SMAD4: variants seen among roughly 807,000 people sequenced by gnomAD.
SMAD4 encodes MAD homolog 4.
In SMAD4, 7 loss-of-function variants were observed where a neutral mutation model predicts 63.2. The observed-to-expected ratio is 0.11, with a 90% CI of 0.06 to 0.21. The LOEUF (loss-of-function observed/expected upper bound fraction) is 0.21, where lower values mean the gene tolerates loss of function less well. Ranked by LOEUF, SMAD4 falls within the 10% of genes least tolerant of loss-of-function variation. SMAD4 has a pLI of 1.00. For synonymous variants in SMAD4, 215 were observed against 235.4 expected, an observed-to-expected ratio of 0.91 and a Z score of 0.79; for missense variants, 312 against 693.8, an observed-to-expected ratio of 0.45 and a Z score of 6.18.
intron 4 of SMAD4, chr18:51,054,311 ATATC>A (rs1390789053): frequency 1.2e-5 from 2 of 171,580 alleles, no homozygotes; most frequent in South Asian, 1.3e-4. Context: ...CTGGGATTGG[ATATC>A]TATCAGATCC....
At chr18:51,047,698 T>C (rs868299981) in intron 2 of SMAD4, among the ~76,000 whole-genome samples, 11 of 151,438 alleles carry the variant, frequency 7.3e-5, no homozygotes, top group African/African-American at 2.7e-4. Context: ...AACCTCCACC[T>C]CTTGGGTTCA....
intron 1 of SMAD4, among the ~76,000 whole-genome samples, chr18:51,041,363 G>A (rs1163793826): frequency 6.6e-6 from 1 of 152,162 alleles, no homozygotes; most frequent in African/African-American, 2.4e-5. Flanking sequence ...CCTGGCACAT[G>A]GTAGTATTGT....
intron 1 of SMAD4, among the ~76,000 whole-genome samples, chr18:51,040,222 C>A (rs140350940): frequency 2.6e-5 from 4 of 151,994 alleles, no homozygotes; most frequent in Non-Finnish European, 5.9e-5. Context: ...GTCAGGAGAT[C>A]GAGACCATCC....
intron 1 of SMAD4, among the ~76,000 whole-genome samples, chr18:51,035,190 G>C (rs1241200853): frequency 1.3e-5 from 2 of 151,910 alleles, no homozygotes; most frequent in Non-Finnish European, 2.9e-5. Context: ...TTTCTCCTCT[G>C]TTTCTTTCTT....
intron 4 of SMAD4, chr18:51,054,283 T>A (rs1463271385): frequency 1.2e-5 from 2 of 168,068 alleles, no homozygotes; most frequent in Non-Finnish European, 2.6e-5. Context: ...ATATGTTGCT[T>A]AACAATAATT....
intron 1 of SMAD4, among the ~76,000 whole-genome samples, chr18:51,039,842 CAAG>C (rs893988573): frequency 2.0e-5 from 3 of 152,008 alleles, no homozygotes; most frequent in Non-Finnish European, 4.4e-5. Context: ...CATAGGTAAA[CAAG>C]AAGCATACAT....
chr18:51,074,693 G>C (rs897616872), intron 10 of SMAD4, among the ~76,000 whole-genome samples: 5 of 152,314 alleles, frequency 3.3e-5, no homozygotes, highest in Middle Eastern at 3.4e-3. Flanking sequence ...CTTTAAAAAA[G>C]TGGTTGTAGA....
chr18:51,077,438 C>CTA (rs1221513347), intron 11 of SMAD4: 3 of 963,202 alleles, frequency 3.1e-6, no homozygotes, highest in African/African-American at 1.8e-5. Flanking sequence ...ATCACACTGG[C>CTA]TAAGAAAACT....
intron 1 of SMAD4, among the ~76,000 whole-genome samples, chr18:51,038,198 A>ATT (rs1909261111): frequency 6.7e-6 from 1 of 148,836 alleles, no homozygotes; most frequent in Non-Finnish European, 1.5e-5. Context: ...TCAAGGCTGG[A>ATT]TTAAGCTAGG....
chr18:51,044,819 C>A (rs1219567151), intron 1 of SMAD4: 3 of 152,200 alleles, frequency 2.0e-5, no homozygotes, highest in Non-Finnish European at 4.4e-5. Flanking sequence ...AGAGTAACTT[C>A]ATTTTCTGAC....
At chr18:51,037,087 G>C (rs55840976) in intron 1 of SMAD4, among the ~76,000 whole-genome samples, 5 of 152,200 alleles carry the variant, frequency 3.3e-5, no homozygotes, top group African/African-American at 1.2e-4. Flanking sequence ...GGGAGGCTGA[G>C]GCAAGAGAAT....
At chr18:51,041,140 A>C (rs529369719) in intron 1 of SMAD4, among the ~76,000 whole-genome samples, 1 of 151,644 alleles carries the variant, frequency 6.6e-6, no homozygotes, top group Non-Finnish European at 1.5e-5. Flanking sequence ...CTGGTTTTCT[A>C]TTTCCTTTTC....
At chr18:51,056,620 CAA>C (rs74178610) in intron 5 of SMAD4, among the ~76,000 whole-genome samples, 81 of 59,312 alleles carry the variant, frequency 1.4e-3, no homozygotes, top group African/African-American at 3.0e-3. Context: ...ACTCCATCTC[CAA>C]AAAAAAAAAA....
At chr18:51,047,821 C>T (rs1385745820) in intron 2 of SMAD4, among the ~76,000 whole-genome samples, 1 of 152,136 alleles carries the variant, frequency 6.6e-6, no homozygotes, top group African/African-American at 2.4e-5. Flanking sequence ...GTTGGTCAGG[C>T]TGGTCTTGAA....
chr18:51,036,294 G>A (rs557049274), intron 1 of SMAD4, among the ~76,000 whole-genome samples: 3 of 152,266 alleles, frequency 2.0e-5, no homozygotes, highest in Non-Finnish European at 4.4e-5. Context: ...ATGGATGAAT[G>A]TATGCTACTC....
rs113155703 is a variant in SMAD4 at position 51,083,461 on chromosome 18, G to GTTT, written c.*5003_*5005dup. 15 of 206,174 alleles carry GTTT rather than the reference G, an allele frequency of 7.3e-5. No individual in the cohort carries two copies. Among genetic ancestry groups the GTTT allele is most frequent in the African/African-American group, 2.8e-4 (12 of 43,054 alleles). The allele number at this position is 206,174 out of a possible 1,614,324, so 12.8% of individuals were successfully genotyped here. On this transcript the variant is annotated 3_prime_UTR_variant, in exon 12 of 12. Coordinates refer to ENST00000342988, the MANE Select transcript of SMAD4 (RefSeq NM_005359.6). ...GAAACTTTTTGTCCTTTTTTTTTCT[G>GTTT]TTTTTTTTTTTCTAATGTAGTAAGG...
Position 51,066,821 on chromosome 18 carries a change from G to T in SMAD4, c.1140-198G>T, listed in dbSNP as rs921681524. The T allele has an allele frequency of 2.1e-5, 12 of 558,922 alleles. No homozygotes were observed. In the South Asian group the frequency reaches 2.3e-4, roughly 11 times the overall value. 34.6% of individuals were successfully genotyped at this position (558,922 alleles called of 1,614,324 possible). On this transcript the variant is annotated intron_variant, in intron 9 of 11. Transcript: ENST00000342988. ...TACATGCTCCTGACACATAGTAAGT[G>T]TTGTAAATATGTGCATCATTATTAG... is the stretch of plus-strand genomic sequence containing the variant.
intron 4 of SMAD4, among the ~76,000 whole-genome samples, chr18:51,050,708 G>A (rs1250967330): frequency 1.3e-5 from 2 of 151,218 alleles, no homozygotes; most frequent in Non-Finnish European, 2.9e-5. Context: ...GTGTGCTCTT[G>A]TTCTGGAGGG....
chr18:51,073,388 T>TATATATATACACACACACACACACAC (rs1417299090), intron 10 of SMAD4, among the ~76,000 whole-genome samples: 1 of 64,160 alleles, frequency 1.6e-5, no homozygotes, highest in African/African-American at 7.6e-5. Context: ...TATATATATA[T>TATATATATACACACACACACACACAC]ACACACACAC....
Sources: gnomAD v4.1 joint callset for allele counts (sites outside exome capture counted in the v4.1 genomes callset) on GRCh38, gnomAD v4.1.1 for gene constraint, MANE v1.5 for transcripts, NCBI Gene and HGNC (gene_info 2026-07-23, HGNC 2026-07-21) for gene names.